Variants in ITGA6 observed in about 807,000 individuals in gnomAD.
ITGA6 encodes integrin subunit alpha 6, also known as integrin alpha-6.
ITGA6 carries 63 observed loss-of-function variants against 133.6 expected under a neutral mutation model. That is an observed-to-expected ratio of 0.47 (90% CI 0.38 to 0.58). The LOEUF is 0.58. Among genes scored for constraint, ITGA6 ranks in the 20% least tolerant of loss-of-function variants. The pLI is 0.00. For missense variants in ITGA6, 1,068 were observed against 1,309.4 expected, an observed-to-expected ratio of 0.82 and a Z score of 2.85; for synonymous variants, 434 against 482.0, an observed-to-expected ratio of 0.90 and a Z score of 1.30.
chr2:172,475,166 G>A, intron 7 of ITGA6, 44 bp downstream of exon 7: 3 of 1,260,656 alleles, frequency 2.4e-6, no homozygotes, highest in Non-Finnish European at 3.5e-6. Flanking sequence ...TAGATTATTT[G>A]ATTGTTTAAA....
At chr2:172,471,895 TAA>T (rs757735273) in intron 5 of ITGA6, among the ~76,000 whole-genome samples, 3 of 123,776 alleles carry the variant, frequency 2.4e-5, no homozygotes, top group Non-Finnish European at 1.7e-5. Context: ...GTAACCTGTT[TAA>T]AAAAAAAAAA....
chr2:172,428,670 C>G (rs922853145), intron 1 of ITGA6: 11 of 152,156 alleles, frequency 7.2e-5, no homozygotes, highest in African/African-American at 2.4e-4. Flanking sequence ...CGGCCGCACC[C>G]GAGACCCGCT....
At chr2:172,462,521 G>A (rs1076596) in intron 1 of ITGA6, among the ~76,000 whole-genome samples, 33,299 of 152,186 alleles carry the variant, frequency 0.22, 3,948 homozygotes, top group East Asian at 0.29. Flanking sequence ...AGTAGCCGCC[G>A]CATGTAAGAC....
At chr2:172,466,277 T>G (rs1233166312) in intron 2 of ITGA6, among the ~76,000 whole-genome samples, 1 of 152,212 alleles carries the variant, frequency 6.6e-6, no homozygotes, top group African/African-American at 2.4e-5. Flanking sequence ...CTAAGTAGAT[T>G]TGCAGATTCG....
At chr2:172,430,882 C>A (rs1199069774) in intron 1 of ITGA6, among the ~76,000 whole-genome samples, 5 of 152,240 alleles carry the variant, frequency 3.3e-5, no homozygotes, top group East Asian at 3.9e-4. Context: ...GAGTCATTCC[C>A]AGAGGTGGAA....
intron 23 of ITGA6, among the ~76,000 whole-genome samples, chr2:172,497,372 C>T (rs1174641354): frequency 6.6e-6 from 1 of 151,942 alleles, no homozygotes; most frequent in Non-Finnish European, 1.5e-5. Context: ...GTGGCATGCG[C>T]CTGTAGTCCC....
chr2:172,453,286 G>A (rs549869784), intron 1 of ITGA6, among the ~76,000 whole-genome samples: 9 of 152,022 alleles, frequency 5.9e-5, no homozygotes, highest in Non-Finnish European at 1.0e-4. Flanking sequence ...CAGCACTTCC[G>A]GAGGCCGAGG....
chr2:172,469,027 T>C (rs1013912199), intron 3 of ITGA6, 98 bp from the exon 4 acceptor site: 30 of 1,300,586 alleles, frequency 2.3e-5, no homozygotes, highest in Non-Finnish European at 3.3e-5. Flanking sequence ...TCATCCTCTT[T>C]AGAATTAACC....
At chr2:172,448,150 T>C (rs1012232069) in intron 1 of ITGA6, among the ~76,000 whole-genome samples, 3 of 152,184 alleles carry the variant, frequency 2.0e-5, no homozygotes, top group African/African-American at 7.2e-5. Flanking sequence ...AGGATAAAAT[T>C]GCTGGTCTTG....
chr2:172,465,754 T>C (rs941551905), intron 2 of ITGA6, 91 bp downstream of exon 2: 67 of 1,531,582 alleles, frequency 4.4e-5, no homozygotes, highest in Non-Finnish European at 6.1e-5. Context: ...CATTTATTCT[T>C]GTAGAGAGGA....
chr2:172,497,502 CAAA>C (rs34616494), intron 23 of ITGA6, among the ~76,000 whole-genome samples: 11 of 89,492 alleles, frequency 1.2e-4, no homozygotes, highest in East Asian at 5.1e-4. Context: ...ACCCTGTCTC[CAAA>C]AAAAAAAAAA....
At chr2:172,496,285 C>G (rs897746330) in intron 23 of ITGA6, among the ~76,000 whole-genome samples, 10 of 152,170 alleles carry the variant, frequency 6.6e-5, no homozygotes, top group Non-Finnish European at 1.5e-5. Context: ...GGGCTCAGAG[C>G]TTGTAGAAAA....
At chr2:172,432,990 A>C (rs924940402) in intron 1 of ITGA6, among the ~76,000 whole-genome samples, 1 of 152,184 alleles carries the variant, frequency 6.6e-6, no homozygotes, top group African/African-American at 2.4e-5. Context: ...CTCTTTCGGT[A>C]GGATGGTGGG....
At chr2:172,476,289 ACT>A in intron 8 of ITGA6, 104 bp from the exon 9 acceptor site, 1 of 774,744 alleles carries the variant, frequency 1.3e-6, no homozygotes, top group Middle Eastern at 2.3e-4. Flanking sequence ...TTATAAGTGA[ACT>A]CTCAAATTTC....
At chr2:172,499,491 A>G (rs1212836970) in intron 24 of ITGA6, among the ~76,000 whole-genome samples, 1 of 152,124 alleles carries the variant, frequency 6.6e-6, no homozygotes, top group Non-Finnish European at 1.5e-5. Context: ...CGGCCTCCTG[A>G]GTAGCTGGGA....
At chr2:172,445,132 AT>A in intron 1 of ITGA6, among the ~76,000 whole-genome samples, 1 of 150,716 alleles carries the variant, frequency 6.6e-6, no homozygotes, top group African/African-American at 2.4e-5. Context: ...TGCCTGGCTA[AT>A]TTTTTTGTAT....
chr2:172,479,708 A>C lies in ITGA6; in HGVS notation c.1456A>C (p.Lys486Gln). The change falls in exon 10 of 26, where the codon AAA becomes CAA. Residue 486 changes from lysine (K) to glutamine (Q), a missense_variant. Around this residue, in one of 3 missense-constraint regions of ITGA6, gnomAD observed 609 missense variants for 707.2 expected, o/e 0.86. Transcript: ENST00000684293. Reference protein sequence around the residue: ...VTPNRIDLRQKTACGAPSGIC... With the variant: ...VTPNRIDLRQQTACGAPSGIC... ...TCCTAACAGAATTGACCTCCGCCAG[A>C]AAACAGCGTGTGGGGCGCCTAGTGG... 1 of 1,613,936 alleles carries C rather than the reference A, an allele frequency of 6.2e-7. No individual in the cohort carries two copies. Among genetic ancestry groups the C allele is most frequent in the African/African-American group, 1.3e-5 (1 of 74,970 alleles).
chr2:172,477,342 T>G (rs1686222012), intron 9 of ITGA6, among the ~76,000 whole-genome samples: 1 of 152,166 alleles, frequency 6.6e-6, no homozygotes, highest in Admixed American at 6.5e-5. Context: ...CATTAAAAAT[T>G]GGAGGCTTTT....
chr2:172,491,242 T>C lies in ITGA6; in HGVS notation c.2800T>C (p.Cys934Arg). 2 of 1,611,026 alleles carry C rather than the reference T, an allele frequency of 1.2e-6. No homozygotes were observed. Among genetic ancestry groups the C allele is most frequent in the Non-Finnish European group, 1.7e-6 (2 of 1,177,200 alleles). The change falls in exon 22 of 26, where the codon TGT becomes CGT. Residue 934 changes from cysteine (C) to arginine (R), a missense_variant. Physicochemically the swap from Cys to Arg is radical, Grantham distance 180. Around this residue, in one of 3 missense-constraint regions of ITGA6, gnomAD observed 609 missense variants for 707.2 expected, o/e 0.86. Coordinates refer to ENST00000684293, the MANE Select transcript of ITGA6 (RefSeq NM_000210.4). The surrounding 1 kb of genome is among the most constrained non-coding windows in gnomAD (Gnocchi z 4.4). Reference protein sequence around the residue: ...QTLNCSVNVNCVNIRCPLRGL... With the variant: ...QTLNCSVNVNRVNIRCPLRGL... ...CTAGAACTGTAGCGTGAACGTGAAC[T>C]GTGTGAACATCAGATGCCCGCTGCG...
Sources: gnomAD v4.1 joint callset for allele counts (sites outside exome capture counted in the v4.1 genomes callset) on GRCh38, gnomAD v4.1.1 for gene constraint, gnomAD v4.1.1 regional missense constraint, Gnocchi (gnomAD v3.1) non-coding constraint, MANE v1.5 for transcripts, NCBI Gene and HGNC (gene_info 2026-07-23, HGNC 2026-07-21) for gene names.